The following TIAM1 variants were observed in gnomAD, a reference collection of about 807,000 sequenced individuals.
TIAM1 encodes rho guanine nucleotide exchange factor TIAM1.
Under a neutral mutation model 163.5 loss-of-function variants are expected in TIAM1, and 65 were observed. The ratio of observed to expected loss-of-function variants is 0.40; its 90% CI spans 0.33 to 0.49. The LOEUF (loss-of-function observed/expected upper bound fraction) is 0.49, where lower values mean the gene tolerates loss of function less well. Ranked by LOEUF, TIAM1 falls within the 20% of genes least tolerant of loss-of-function variation. TIAM1 has a pLI of 0.77. For synonymous variants in TIAM1, 833 were observed against 810.1 expected, an observed-to-expected ratio of 1.03 and a Z score of -0.48; for missense variants, 1,789 against 2,044.7, an observed-to-expected ratio of 0.87 and a Z score of 2.41.
intron 2 of TIAM1, among the ~76,000 whole-genome samples, chr21:31,364,894 A>G (rs969841995): frequency 6.6e-6 from 1 of 152,116 alleles, no homozygotes; most frequent in African/African-American, 2.4e-5. Flanking sequence ...AAATATTTCA[A>G]TCTTTGCGAG....
intron 13 of TIAM1, among the ~76,000 whole-genome samples, chr21:31,193,768 C>A (rs941713366): frequency 1.3e-5 from 2 of 152,142 alleles, no homozygotes; most frequent in Non-Finnish European, 2.9e-5. Context: ...GACAAGCAAG[C>A]TGGAAGCTTA....
chr21:31,230,343 C>T (rs2088338482), intron 6 of TIAM1, among the ~76,000 whole-genome samples: 2 of 151,726 alleles, frequency 1.3e-5, no homozygotes, highest in Admixed American at 6.6e-5. Flanking sequence ...GAAAAAAGCC[C>T]AGAAAAATTA....
intron 1 of TIAM1, among the ~76,000 whole-genome samples, chr21:31,494,259 A>G (rs2046569418): frequency 6.6e-6 from 1 of 152,148 alleles, no homozygotes; most frequent in East Asian, 1.9e-4. Context: ...CTGAACACAC[A>G]TAAGGCACTA....
intron 1 of TIAM1, among the ~76,000 whole-genome samples, chr21:31,501,496 C>T (rs1169714157): frequency 2.0e-5 from 3 of 152,150 alleles, no homozygotes; most frequent in Non-Finnish European, 4.4e-5. Context: ...CCAAGCTCGA[C>T]GGCTTTCTTT....
chr21:31,384,358 A>G (rs1416728197), intron 2 of TIAM1, among the ~76,000 whole-genome samples: 8 of 143,670 alleles, frequency 5.6e-5, no homozygotes, highest in Non-Finnish European at 9.0e-5. Flanking sequence ...TGCAGCCAAG[A>G]GTTCAAGACC....
intron 2 of TIAM1, among the ~76,000 whole-genome samples, chr21:31,371,876 C>A (rs1445183321): frequency 6.6e-6 from 1 of 152,170 alleles, no homozygotes; most frequent in African/African-American, 2.4e-5. Context: ...CCGGCTGAGT[C>A]AAAGGAAATT....
intron 2 of TIAM1, chr21:31,453,050 A>G: frequency 4.5e-6 from 2 of 439,704 alleles, no homozygotes; most frequent in South Asian, 3.8e-5. Flanking sequence ...TTCTGGATCC[A>G]ATGTATCTGG....
chr21:31,419,726 G>C (rs2043497851), intron 2 of TIAM1, among the ~76,000 whole-genome samples: 1 of 152,162 alleles, frequency 6.6e-6, no homozygotes, highest in Non-Finnish European at 1.5e-5. Context: ...AAAACAAAAT[G>C]ATGAGCAAAA....
chr21:31,139,772 T>G (rs1362807344), intron 22 of TIAM1, among the ~76,000 whole-genome samples: 1 of 152,226 alleles, frequency 6.6e-6, no homozygotes, highest in African/African-American at 2.4e-5. Context: ...AAAATTGTGT[T>G]GCAGTTGAAA....
intron 9 of TIAM1, among the ~76,000 whole-genome samples, chr21:31,216,064 A>G (rs1216192508): frequency 6.6e-6 from 1 of 152,156 alleles, no homozygotes; most frequent in Non-Finnish European, 1.5e-5. Context: ...CCAGTTACTC[A>G]GGAGGCTGAG....
chr21:31,261,780 G>C (rs1282131281), intron 4 of TIAM1, among the ~76,000 whole-genome samples: 1 of 152,040 alleles, frequency 6.6e-6, no homozygotes, highest in East Asian at 1.9e-4. Context: ...TATTTTCTAG[G>C]GATGCTGCTG....
intron 3 of TIAM1, among the ~76,000 whole-genome samples, chr21:31,270,441 A>C (rs1213513468): frequency 1.3e-5 from 2 of 152,210 alleles, no homozygotes; most frequent in Non-Finnish European, 2.9e-5. Context: ...TAAATTCATT[A>C]AACTCTTAAT....
At chr21:31,519,619 C>T (rs1170086503) in intron 1 of TIAM1, among the ~76,000 whole-genome samples, 1 of 151,982 alleles carries the variant, frequency 6.6e-6, no homozygotes, top group African/African-American at 2.4e-5. Flanking sequence ...ATTTGTACAC[C>T]CGTTAACAAC....
intron 15 of TIAM1, among the ~76,000 whole-genome samples, chr21:31,178,346 G>A (rs989655320): frequency 8.5e-6 from 1 of 118,182 alleles, no homozygotes; most frequent in Non-Finnish European, 1.6e-5. Flanking sequence ...TCTCGCTATC[G>A]CCCAGGCTGG....
At chr21:31,192,897 C>T (rs533082560) in intron 13 of TIAM1, among the ~76,000 whole-genome samples, 229 of 152,220 alleles carry the variant, frequency 1.5e-3, no homozygotes, top group Middle Eastern at 3.4e-3. Context: ...ATGAGGACAA[C>T]GTATGGAGTC....
chr21:31,333,458 G>A (rs990052755), intron 2 of TIAM1, among the ~76,000 whole-genome samples: 4 of 151,688 alleles, frequency 2.6e-5, no homozygotes, highest in East Asian at 3.9e-4. Context: ...TTTCTTTTGC[G>A]ACAGGGTCTG....
At chr21:31,493,727 A>G (rs1167032608) in intron 1 of TIAM1, among the ~76,000 whole-genome samples, 4 of 152,146 alleles carry the variant, frequency 2.6e-5, no homozygotes, top group Non-Finnish European at 4.4e-5. Context: ...TTAGAAATAA[A>G]TGGATCCAGC....
chr21:31,327,600 C>G lies in TIAM1; in HGVS notation c.-189+11643G>C, dbSNP rs540004070. On this transcript the variant is annotated intron_variant, in intron 2 of 27. Transcript: ENST00000541036. ...GAGGTTGCAGTGAGCTGAGATGTGCCACTGCACTCCAGCCTGGGCAACAGA... is the reference window on the plus strand; with the variant it reads ...GAGGTTGCAGTGAGCTGAGATGTGCGACTGCACTCCAGCCTGGGCAACAGA... Among the ~76,000 whole-genome samples, 30 of 133,652 alleles carry G rather than the reference C, an allele frequency of 2.2e-4. No homozygotes were observed. In the East Asian group the frequency reaches 7.0e-3, roughly 31 times the overall value. 87.7% of individuals were successfully genotyped at this position (133,652 alleles called of 152,430 possible).
At chr21:31,503,853 T>C (rs1892429678) in intron 1 of TIAM1, among the ~76,000 whole-genome samples, 1 of 151,384 alleles carries the variant, frequency 6.6e-6, no homozygotes, top group Admixed American at 6.6e-5. Context: ...GGTTAATTTA[T>C]GTTTAAAAAA....
Sources: gnomAD v4.1 joint callset for allele counts (sites outside exome capture counted in the v4.1 genomes callset) on GRCh38, gnomAD v4.1.1 for gene constraint, MANE v1.5 for transcripts, NCBI Gene and HGNC (gene_info 2026-07-23, HGNC 2026-07-21) for gene names.